The following GOLGA7 variants were observed in gnomAD, a reference collection of about 807,000 sequenced individuals.
The protein encoded by GOLGA7 is golgin A7.
Under a neutral mutation model 21.1 loss-of-function variants are expected in GOLGA7, and 10 were observed. The observed-to-expected ratio is 0.47, with a 90% CI of 0.29 to 0.80. GOLGA7 has a LOEUF of 0.80. Among genes scored for constraint, GOLGA7 ranks in the 30% least tolerant of loss-of-function variants. GOLGA7 has a pLI of 0.08. For missense variants in GOLGA7, 114 were observed against 166.8 expected (o/e 0.68, Z 1.74); for synonymous variants, 64 against 62.6 (o/e 1.02, Z -0.10).
intron 2 of GOLGA7, among the ~76,000 whole-genome samples, chr8:41,503,526 TA>T (rs2150444965): frequency 1.2e-5 from 1 of 85,238 alleles, no homozygotes; most frequent in African/African-American, 4.7e-5. Context: ...GGTTTTCTTC[TA>T]GGGTTTTTAT....
At chr8:41,492,844 T>TA (rs1288565595) in intron 1 of GOLGA7, among the ~76,000 whole-genome samples, 8 of 152,262 alleles carry the variant, frequency 5.3e-5, no homozygotes, top group Non-Finnish European at 1.0e-4. Context: ...AAGCAACACT[T>TA]ACACCTCATA....
intron 4 of GOLGA7, among the ~76,000 whole-genome samples, chr8:41,507,490 C>A: frequency 6.6e-6 from 1 of 152,096 alleles, no homozygotes; most frequent in East Asian, 1.9e-4. Flanking sequence ...GAGATGTCTA[C>A]CTATATGACA....
At chr8:41,492,893 G>A (rs971544435) in intron 1 of GOLGA7, among the ~76,000 whole-genome samples, 3 of 152,162 alleles carry the variant, frequency 2.0e-5, no homozygotes. Flanking sequence ...TCAGACATTA[G>A]CCTTCCACTC....
intron 1 of GOLGA7, among the ~76,000 whole-genome samples, chr8:41,492,770 ATAAAG>A (rs1805915832): frequency 6.6e-6 from 1 of 152,272 alleles, no homozygotes; most frequent in African/African-American, 2.4e-5. Context: ...AAATCAGAAT[ATAAAG>A]TATTCTTTTT....
At chr8:41,492,662 C>CA (rs1419937681) in intron 1 of GOLGA7, among the ~76,000 whole-genome samples, 7 of 152,160 alleles carry the variant, frequency 4.6e-5, no homozygotes, top group South Asian at 2.1e-4. Flanking sequence ...ACTCTTGTCT[C>CA]AAAAAATAAA....
At position 41,490,946 on chromosome 8, in the gene GOLGA7, C is replaced by T. The variant is rs1174123880; in HGVS notation, c.92C>T (p.Pro31Leu). The change falls in exon 1 of 5, where the codon CCT becomes CTT. Residue 31 changes from proline to leucine, a missense_variant. By Grantham distance (98) the Pro-to-Leu change is moderately conservative. Transcript: ENST00000357743. ...GTRCQFQTKFPAELENRIDRQ... is the reference protein window; with the variant it reads ...GTRCQFQTKFLAELENRIDRQ... ...CGCTGCCAGTTCCAGACCAAGTTCCCTGCGGAGCTGGAGAACCGGGTACGC... is the reference window on the plus strand; with the variant it reads ...CGCTGCCAGTTCCAGACCAAGTTCCTTGCGGAGCTGGAGAACCGGGTACGC... 3.2e-6 allele frequency: 5 copies of T among 1,578,854 alleles called. No individual in the cohort carries two copies. Among genetic ancestry groups the T allele is most frequent in the Non-Finnish European group, 4.3e-6 (5 of 1,157,844 alleles).
At chr8:41,504,928 GTGA>G (rs1262738508) in intron 2 of GOLGA7, among the ~76,000 whole-genome samples, 1 of 151,812 alleles carries the variant, frequency 6.6e-6, no homozygotes, top group African/African-American at 2.4e-5. Flanking sequence ...CCTTTAAGTT[GTGA>G]TCACATTTGT....
chr8:41,490,879 T>C lies in GOLGA7; in HGVS notation c.25T>C (p.Ser9Pro). 1 of 1,600,270 alleles carries C rather than the reference T, an allele frequency of 6.2e-7. No individual in the cohort carries two copies. Among genetic ancestry groups the C allele is most frequent in the Non-Finnish European group, 8.5e-7 (1 of 1,173,218 alleles). The change falls in exon 1 of 5, where the codon TCC becomes CCC. Residue 9 changes from serine (S) to proline (P), a missense_variant. By Grantham distance (74) the Ser-to-Pro change is moderately conservative. Transcript: ENST00000357743. ...CATGAGGCCGCAGCAGGCGCCGGTGTCCGGAAAGGTGTTCATTCAGCGAGA... is the reference window on the plus strand; with the variant it reads ...CATGAGGCCGCAGCAGGCGCCGGTGCCCGGAAAGGTGTTCATTCAGCGAGA... MRPQQAPV[S>P]GKVFIQRDYS...
intron 1 of GOLGA7, among the ~76,000 whole-genome samples, chr8:41,494,570 G>A (rs1020552101): frequency 6.6e-6 from 1 of 152,084 alleles, no homozygotes; most frequent in Non-Finnish European, 1.5e-5. Flanking sequence ...TTTGTTTGCT[G>A]AGCTCTCCTC....
intron 3 of GOLGA7, among the ~76,000 whole-genome samples, chr8:41,506,353 A>C (rs1288744034): frequency 1.3e-5 from 2 of 152,094 alleles, no homozygotes; most frequent in East Asian, 3.8e-4. Flanking sequence ...GAAATGGATA[A>C]ACTCATAATG....
intron 1 of GOLGA7, among the ~76,000 whole-genome samples, chr8:41,491,652 C>T (rs1357437627): frequency 6.9e-6 from 1 of 144,270 alleles, no homozygotes; most frequent in Non-Finnish European, 1.5e-5. Context: ...GGATTTGCTT[C>T]CCCTTCAGAC....
At chr8:41,502,677 G>A (rs1806178128) in intron 2 of GOLGA7, 1 of 152,210 alleles carries the variant, frequency 6.6e-6, no homozygotes, top group Non-Finnish European at 1.5e-5. Context: ...AAAACAGTAA[G>A]ATGTGGTGTT....
intron 2 of GOLGA7, among the ~76,000 whole-genome samples, chr8:41,499,637 TGA>T (rs1806103967): frequency 1.3e-5 from 2 of 152,282 alleles, no homozygotes; most frequent in East Asian, 3.9e-4. Context: ...GTGTTCCTCT[TGA>T]CATCCAGCCA....
chr8:41,497,091 T>A (rs939804729), intron 1 of GOLGA7, among the ~76,000 whole-genome samples: 7 of 151,812 alleles, frequency 4.6e-5, no homozygotes, highest in African/African-American at 1.7e-4. Flanking sequence ...ATTACAGGCA[T>A]GAGCCACCGC....
intron 2 of GOLGA7, among the ~76,000 whole-genome samples, chr8:41,499,422 G>C (rs1049085493): frequency 6.6e-6 from 1 of 152,142 alleles, no homozygotes; most frequent in Non-Finnish European, 1.5e-5. Context: ...CAGAAGAATC[G>C]GATCACATGT....
intron 1 of GOLGA7, among the ~76,000 whole-genome samples, chr8:41,494,053 ACTTTT>A (rs1182163886): frequency 2.0e-5 from 3 of 152,106 alleles, no homozygotes; most frequent in African/African-American, 7.2e-5. Context: ...GTTGGCATTT[ACTTTT>A]CTTTAACCAT....
chr8:41,502,386 G>A lies in GOLGA7; in HGVS notation c.265-3525G>A, dbSNP rs574102574. ...TATAACAGTGCTTATACTTTGTCAT[G>A]TGTGTTAAATTTTTTGAAATTGTAA... On this transcript the variant is annotated intron_variant, in intron 2 of 4. Coordinates refer to ENST00000357743, the MANE Select transcript of GOLGA7 (RefSeq NM_001002296.2). Among the ~76,000 whole-genome samples the A allele has an allele frequency of 5.8e-4, 89 of 152,318 alleles. 1 individual carries two copies. The highest frequency in any genetic ancestry group is 1.9e-3 in the South Asian group (9 of 4,824).
intron 2 of GOLGA7, among the ~76,000 whole-genome samples, chr8:41,504,246 A>G (rs1806229056): frequency 6.6e-6 from 1 of 152,194 alleles, no homozygotes; most frequent in Non-Finnish European, 1.5e-5. Context: ...AAGGAGACGG[A>G]AAGCTGTTCT....
chr8:41,499,953 TA>T (rs112759723), intron 2 of GOLGA7, among the ~76,000 whole-genome samples: 27,385 of 152,198 alleles, frequency 0.18, 2,984 homozygotes, highest in Middle Eastern at 0.31. Flanking sequence ...CATTCCTGTT[TA>T]AACTTTCAAA....
Sources: gnomAD v4.1 joint callset for allele counts (sites outside exome capture counted in the v4.1 genomes callset) on GRCh38, gnomAD v4.1.1 for gene constraint, MANE v1.5 for transcripts, NCBI Gene and HGNC (gene_info 2026-07-23, HGNC 2026-07-21) for gene names.